Variants in WAC observed in about 807,000 individuals in gnomAD.
WAC encodes the protein WW domain-containing adapter protein with coiled-coil.
In WAC, 11 loss-of-function variants were observed where a neutral mutation model predicts 79.6. The ratio of observed to expected loss-of-function variants is 0.14; its 90% CI spans 0.09 to 0.23. WAC has a LOEUF of 0.23. Among genes scored for constraint, WAC ranks in the 10% least tolerant of loss-of-function variants. The pLI is 1.00. For missense variants in WAC, 728 were observed against 773.5 expected, an observed-to-expected ratio of 0.94 and a Z score of 0.70; for synonymous variants, 304 against 276.9, an observed-to-expected ratio of 1.10 and a Z score of -0.97.
intron 3 of WAC, among the ~76,000 whole-genome samples, chr10:28,552,166 T>G (rs1219270024): frequency 6.6e-6 from 1 of 152,248 alleles, no homozygotes; most frequent in Non-Finnish European, 1.5e-5. Context: ...AATACATTAT[T>G]TGTTACTTTT....
At chr10:28,600,905 A>C (rs994025911) in intron 7 of WAC, among the ~76,000 whole-genome samples, 1 of 152,102 alleles carries the variant, frequency 6.6e-6, no homozygotes, top group African/African-American at 2.4e-5. Flanking sequence ...ATGAACAGAA[A>C]ATTAGAGAAG....
At position 28,563,632 on chromosome 10, in the gene WAC, T is replaced by C. The variant is rs569568597; in HGVS notation, c.275-19767T>C. ...TTTTGCTCTGTCACCCAGGCTGGAG[T>C]GCAGTGGCGCGATCTCCGCTCACTG... On this transcript the variant is annotated intron_variant, in intron 3 of 13. Transcript: ENST00000354911. 4.0e-5 allele frequency among the ~76,000 whole-genome samples: 6 copies of C among 151,262 alleles called. No individual in the cohort carries two copies. The East Asian group carries it at 1.2e-3, about 30-fold the overall frequency.
intron 3 of WAC, among the ~76,000 whole-genome samples, chr10:28,570,946 C>CTTT (rs139500035): frequency 6.2e-5 from 4 of 64,506 alleles, no homozygotes; most frequent in African/African-American, 1.2e-4. Flanking sequence ...TAAAGATATA[C>CTTT]TTTTTTTTTT....
chr10:28,545,461 CAA>C (rs757818124), intron 3 of WAC, among the ~76,000 whole-genome samples: 135 of 152,174 alleles, frequency 8.9e-4, no homozygotes, highest in Admixed American at 4.3e-3. Context: ...CCCTGGGCAA[CAA>C]GAGCGAAACT....
At chr10:28,562,276 C>T (rs765170362) in intron 3 of WAC, among the ~76,000 whole-genome samples, 1 of 152,086 alleles carries the variant, frequency 6.6e-6, no homozygotes, top group Non-Finnish European at 1.5e-5. Flanking sequence ...AGGCTGGTCT[C>T]GAACTCTGAC....
At chr10:28,562,096 C>T (rs1210623631) in intron 3 of WAC, among the ~76,000 whole-genome samples, 2 of 152,168 alleles carry the variant, frequency 1.3e-5, no homozygotes, top group Non-Finnish European at 2.9e-5. Flanking sequence ...CGTGCTCTGT[C>T]ACCCAGGTTG....
At chr10:28,552,713 A>G (rs1177985922) in intron 3 of WAC, among the ~76,000 whole-genome samples, 1 of 152,170 alleles carries the variant, frequency 6.6e-6, no homozygotes, top group African/African-American at 2.4e-5. Context: ...GTATGCTGGT[A>G]GAGAGTATTG....
chr10:28,602,379 A>T (rs1414801176), intron 7 of WAC, among the ~76,000 whole-genome samples: 1 of 152,258 alleles, frequency 6.6e-6, no homozygotes, highest in African/African-American at 2.4e-5. Context: ...ATGAGTAAAA[A>T]TATGAATTTA....
In WAC at chr10:28,621,126, T is replaced by G. The variant is rs1841673710; in HGVS notation, c.*1520T>G. On this transcript the variant is annotated 3_prime_UTR_variant, in exon 14 of 14. Coordinates refer to ENST00000354911, the MANE Select transcript of WAC (RefSeq NM_016628.5). ...CTTTTCTTCCCCCACAAAAAAACCTTTACCATCAAAATCTTGCCATCTGAT... is the reference window on the plus strand; with the variant it reads ...CTTTTCTTCCCCCACAAAAAAACCTGTACCATCAAAATCTTGCCATCTGAT... 6.6e-6 allele frequency: 1 copy of G among 151,950 alleles called. No individual in the cohort carries two copies. The highest frequency in any genetic ancestry group is 2.1e-4 in the South Asian group (1 of 4,824). 9.4% of individuals were successfully genotyped at this position (151,950 alleles called of 1,614,324 possible).
chr10:28,617,900 G>A, intron 13 of WAC, 116 bp downstream of exon 13: 1 of 1,196,572 alleles, frequency 8.4e-7, no homozygotes, highest in Middle Eastern at 2.9e-4. Context: ...TCGATACATT[G>A]ATCACATTCT....
At chr10:28,553,286 T>A (rs1275600131) in intron 3 of WAC, among the ~76,000 whole-genome samples, 4 of 152,220 alleles carry the variant, frequency 2.6e-5, no homozygotes, top group African/African-American at 9.6e-5. Context: ...AAAAAGTGAT[T>A]TACTTTGTAG....
intron 3 of WAC, 50 bp downstream of exon 3, chr10:28,535,807 CTATA>C: frequency 6.8e-7 from 1 of 1,480,572 alleles, no homozygotes; most frequent in Non-Finnish European, 9.2e-7. Context: ...AACAATAGCT[CTATA>C]TAAAAGGCGG....
At chr10:28,559,091 A>G (rs1024755621) in intron 3 of WAC, among the ~76,000 whole-genome samples, 5 of 151,000 alleles carry the variant, frequency 3.3e-5, no homozygotes, top group African/African-American at 1.2e-4. Flanking sequence ...TACTGTGGGT[A>G]TGGTAGACAA....
chr10:28,617,878 G>A (rs971965664), intron 13 of WAC, 94 bp downstream of exon 13: 37 of 1,382,830 alleles, frequency 2.7e-5, no homozygotes, highest in Non-Finnish European at 3.4e-5. Context: ...TTTATGAAAT[G>A]TAAAGTTCTC....
At chr10:28,607,787 A>G (rs981505543) in intron 7 of WAC, among the ~76,000 whole-genome samples, 10 of 152,168 alleles carry the variant, frequency 6.6e-5, no homozygotes, top group Admixed American at 1.3e-4. Flanking sequence ...TTATTTCATG[A>G]GATATAAATT....
chr10:28,544,403 C>T (rs575412102), intron 3 of WAC, among the ~76,000 whole-genome samples: 9 of 152,252 alleles, frequency 5.9e-5, no homozygotes, highest in East Asian at 5.8e-4. Flanking sequence ...TTCAGGCACT[C>T]GCTAGCTAGA....
rs11408560 is a variant in WAC at position 28,547,915 on chromosome 10, CTT to C, written c.274+12172_274+12173del. ...ACATTTTAATTTTCTTTCTCTTTTT[CTT>C]TTTTTTTTTTTTTCTTCTTTGAGAG... On this transcript the variant is annotated intron_variant, in intron 3 of 13. Transcript: ENST00000354911. Among the ~76,000 whole-genome samples, 809 of 132,302 alleles carry C rather than the reference CTT, an allele frequency of 6.1e-3. 11 individuals are homozygous for C. The highest frequency in any genetic ancestry group is 0.022 in the African/African-American group (771 of 35,388). The allele number at this position is 132,302 out of a possible 152,430, so 86.8% of individuals were successfully genotyped here. A position where few individuals can be genotyped will look rare whatever the true frequency, so the allele number is the denominator to read the frequency against.
intron 3 of WAC, among the ~76,000 whole-genome samples, chr10:28,547,733 C>G (rs950143691): frequency 1.3e-5 from 2 of 151,634 alleles, no homozygotes; most frequent in Non-Finnish European, 2.9e-5. Flanking sequence ...GGATAGATAC[C>G]CATTGGGATG....
rs1588627604 is a variant in WAC, at chr10:28,621,309, A to G, written c.*1703A>G. The G allele has an allele frequency of 1.3e-5, 2 of 150,102 alleles. No individual in the cohort carries two copies. Among genetic ancestry groups the G allele is most frequent in the Admixed American group, 6.7e-5 (1 of 14,946 alleles). The allele number at this position is 150,102 out of a possible 1,614,324, so 9.3% of individuals were successfully genotyped here. A position where few individuals can be genotyped will look rare whatever the true frequency, so the allele number is the denominator to read the frequency against. On this transcript the variant is annotated 3_prime_UTR_variant, in exon 14 of 14. Transcript: ENST00000354911. ...TTTTTTATGTTAGACATCAATGTCA[A>G]TGTTACTACATTCTCGGATGCTAAC... is the stretch of plus-strand genomic sequence containing the variant.
Sources: allele counts gnomAD v4.1 joint callset (sites outside exome capture counted in the v4.1 genomes callset), GRCh38; gene constraint gnomAD v4.1.1; transcripts MANE v1.5; gene names NCBI Gene and HGNC (gene_info 2026-07-23, HGNC 2026-07-21).